PCYT1B: variants seen among roughly 807,000 people sequenced by gnomAD.
PCYT1B encodes the protein phosphate cytidylyltransferase 1B, choline.
Under a neutral mutation model 26.4 loss-of-function variants are expected in PCYT1B, and 10 were observed. That is an observed-to-expected ratio of 0.38 (90% CI 0.23 to 0.64). The LOEUF (loss-of-function observed/expected upper bound fraction) is 0.64, where lower values mean the gene tolerates loss of function less well. PCYT1B is among the 30% of genes least tolerant of loss of function. The pLI, the probability that PCYT1B is intolerant of heterozygous loss-of-function variation, is 0.56. For synonymous variants in PCYT1B, 131 were observed against 108.4 expected, an observed-to-expected ratio of 1.21 and a Z score of -1.29; for missense variants, 161 against 292.7, an observed-to-expected ratio of 0.55 and a Z score of 3.28.
intron 1 of PCYT1B, among the ~76,000 whole-genome samples, chrX:24,626,741 T>C (rs1010943870): frequency 8.9e-6 from 1 of 111,919 alleles, no homozygotes; most frequent in Non-Finnish European, 1.9e-5. Context: ...CATTTGAGCT[T>C]TAAAAAATTT....
chrX:24,563,428 A>G (rs890694294), intron 7 of PCYT1B, among the ~76,000 whole-genome samples: 12 of 111,732 alleles, frequency 1.1e-4, no homozygotes, highest in Non-Finnish European at 1.5e-4. Context: ...CCAAGAAAGG[A>G]GCATGGAACG....
chrX:24,672,455 G>T, intron 1 of PCYT1B: 1 of 490,468 alleles, frequency 2.0e-6, no homozygotes, highest in Non-Finnish European at 3.4e-6. Context: ...TCCATTTTTA[G>T]TGTGACTATT....
chrX:24,604,155 C>T (rs1011210720), intron 3 of PCYT1B, among the ~76,000 whole-genome samples: 10 of 108,201 alleles, frequency 9.2e-5, no homozygotes, highest in Non-Finnish European at 1.7e-4. Flanking sequence ...GGCATGATCT[C>T]GGCTCACTGC....
At chrX:24,649,074 C>T (rs1464851914), upstream of PCYT1B, among the ~76,000 whole-genome samples, 1 of 110,864 alleles carries the variant, frequency 9.0e-6, no homozygotes, top group Non-Finnish European at 1.9e-5. Flanking sequence ...GTATTATGAC[C>T]TATACAGGAC....
At chrX:24,570,851 C>T (rs980399843) in intron 7 of PCYT1B, among the ~76,000 whole-genome samples, 2 of 110,857 alleles carry the variant, frequency 1.8e-5, no homozygotes, top group African/African-American at 6.6e-5. Context: ...TGTCAAAGGC[C>T]TTAGAGGGAT....
chrX:24,620,711 A>G (rs1000245244), intron 1 of PCYT1B, among the ~76,000 whole-genome samples: 3 of 112,159 alleles, frequency 2.7e-5, no homozygotes, highest in African/African-American at 9.7e-5. Context: ...ACTCACTAAC[A>G]TTAGCTCAAA....
At chrX:24,607,960 C>T in intron 2 of PCYT1B, 99 bp from the exon 3 acceptor site, 1 of 460,864 alleles carries the variant, frequency 2.2e-6, no homozygotes, top group Non-Finnish European at 3.8e-6. Flanking sequence ...GACACAATCT[C>T]TACATACCAT....
chrX:24,646,507 T>G (rs1926629707), intron 1 of PCYT1B, among the ~76,000 whole-genome samples: 1 of 111,371 alleles, frequency 9.0e-6, no homozygotes, highest in East Asian at 2.8e-4. Flanking sequence ...TTTTGAACAT[T>G]TTCAAACGGA....
intron 1 of PCYT1B, among the ~76,000 whole-genome samples, chrX:24,665,132 A>G (rs903845421): frequency 1.4e-4 from 16 of 111,466 alleles, no homozygotes; most frequent in African/African-American, 5.2e-4. Flanking sequence ...GGCAATGCAT[A>G]TGTGTCTGCC....
chrX:24,607,715 T>C (rs765073418), intron 3 of PCYT1B, 30 bp downstream of exon 3: 2 of 840,599 alleles, frequency 2.4e-6, no homozygotes, highest in Admixed American at 2.5e-5. Context: ...TAAAAGAGTT[T>C]TCTAGACAAA....
At chrX:24,672,672 C>T (rs770165033) in exon 1 of PCYT1B, 5 of 1,043,702 alleles carry the variant, frequency 4.8e-6, no homozygotes, top group East Asian at 3.0e-5. Flanking sequence ...GAGGCCTCTA[C>T]CCTTTGGAGT....
At chrX:24,604,039 G>T (rs1264295672) in intron 3 of PCYT1B, among the ~76,000 whole-genome samples, 2 of 110,752 alleles carry the variant, frequency 1.8e-5, no homozygotes, top group East Asian at 5.7e-4. Flanking sequence ...TAACAGACTT[G>T]GGATCAAATA....
intron 1 of PCYT1B, among the ~76,000 whole-genome samples, chrX:24,670,048 A>AAAAGAAAGAAAGAAAGAAAGAAAG (rs756342863): frequency 3.4e-5 from 2 of 58,050 alleles, no homozygotes; most frequent in Non-Finnish European, 6.6e-5. Flanking sequence ...GTCTCAAAAA[A>AAAAGAAAGAAAGAAAGAAAGAAAG]AAAGAAAGAA....
Position 24,560,531 on chromosome X carries a change from C to T in PCYT1B, c.*1762G>A, listed in dbSNP as rs1923371119. 2 of 112,123 alleles carry T rather than the reference C, an allele frequency of 1.8e-5. No individual in the cohort carries two copies. The highest frequency in any genetic ancestry group is 3.8e-5 in the Non-Finnish European group (2 of 53,170). The allele number at this position is 112,123 out of a possible 1,213,427, so 9.2% of individuals were successfully genotyped here. ...GCCCTCTGTCCCATATGAGTGCTTCCCAGAGTCCTGGAGAAGGAAAGTGCC... is the reference window on the plus strand; with the variant it reads ...GCCCTCTGTCCCATATGAGTGCTTCTCAGAGTCCTGGAGAAGGAAAGTGCC... On this transcript the variant is annotated 3_prime_UTR_variant, in exon 8 of 8. Transcript: ENST00000379144.
At chrX:24,611,921 C>T (rs1175968564) in intron 2 of PCYT1B, among the ~76,000 whole-genome samples, 1 of 109,397 alleles carries the variant, frequency 9.1e-6, no homozygotes, top group Admixed American at 9.8e-5. Context: ...TGCAGTGAGC[C>T]GAGATCACAC....
intron 3 of PCYT1B, among the ~76,000 whole-genome samples, chrX:24,593,445 CTTTTCTTTTCTTTTCTTTTCT>C (rs1198890199): frequency 0.04 from 633 of 15,653 alleles, 16 homozygotes; most frequent in African/African-American, 0.053. Context: ...TTCTTTCTTT[CTTTTCTTTTCTTTTCTTTTCT>C]TTTCTTTTCT....
At chrX:24,587,178 T>A in intron 5 of PCYT1B, 63 bp downstream of exon 5, 1 of 775,106 alleles carries the variant, frequency 1.3e-6, no homozygotes, top group East Asian at 3.2e-5. Context: ...GGCAGACAGA[T>A]GTCTCTTATT....
At chrX:24,665,133 T>C (rs1927101783) in intron 1 of PCYT1B, among the ~76,000 whole-genome samples, 1 of 111,447 alleles carries the variant, frequency 9.0e-6, no homozygotes, top group African/African-American at 3.3e-5. Flanking sequence ...GCAATGCATA[T>C]GTGTCTGCCT....
intron 2 of PCYT1B, among the ~76,000 whole-genome samples, chrX:24,614,758 C>T (rs766459284): frequency 8.0e-5 from 9 of 111,938 alleles, no homozygotes; most frequent in African/African-American, 1.9e-4. Context: ...AAAAAAGTAA[C>T]GTTTTTCTTG....
Sources: allele counts gnomAD v4.1 joint callset (sites outside exome capture counted in the v4.1 genomes callset), GRCh38; gene constraint gnomAD v4.1.1; transcripts MANE v1.5; gene names NCBI Gene and HGNC (gene_info 2026-07-23, HGNC 2026-07-21).